The following KLF12 variants were observed in gnomAD, a reference collection of about 807,000 sequenced individuals.
KLF12 encodes the protein Krueppel-like factor 12.
A neutral mutation model predicts 37.8 loss-of-function variants in KLF12; 9 were observed. That is an observed-to-expected ratio of 0.24 (90% CI 0.14 to 0.42). The LOEUF is 0.42. Ranked by LOEUF, KLF12 falls within the 10% of genes least tolerant of loss-of-function variation. The probability of loss-of-function intolerance (pLI) is 1.00; values close to 1 mark genes in which losing one functional copy is unlikely to be tolerated. For synonymous variants in KLF12, 208 were observed against 202.1 expected (o/e 1.03, Z -0.25); for missense variants, 411 against 516.0 (o/e 0.80, Z 1.97).
chr13:73,758,519 A>G (rs982211739), intron 6 of KLF12, among the ~76,000 whole-genome samples: 11 of 152,152 alleles, frequency 7.2e-5, no homozygotes, highest in Non-Finnish European at 1.3e-4. Flanking sequence ...ACCTGGGTAC[A>G]GTGTTGGGAA....
At chr13:73,918,433 T>C (rs1888951107) in intron 3 of KLF12, among the ~76,000 whole-genome samples, 1 of 152,200 alleles carries the variant, frequency 6.6e-6, no homozygotes, top group South Asian at 2.1e-4. Context: ...ATGATGTAGA[T>C]GGACTACATA....
chr13:73,729,733 G>A (rs1295850079), intron 6 of KLF12, among the ~76,000 whole-genome samples: 2 of 152,184 alleles, frequency 1.3e-5, no homozygotes, highest in Non-Finnish European at 2.9e-5. Context: ...TAGTAGATTA[G>A]TAGCAGTCAG....
chr13:74,097,633 A>G (rs12323243), intron 1 of KLF12, among the ~76,000 whole-genome samples: 35,422 of 151,976 alleles, frequency 0.23, 4,856 homozygotes, highest in Middle Eastern at 0.36. Context: ...TATTTTAAAC[A>G]CACGTTTAGG....
At chr13:73,780,462 C>T (rs1880891344) in intron 5 of KLF12, among the ~76,000 whole-genome samples, 1 of 137,390 alleles carries the variant, frequency 7.3e-6, no homozygotes. Context: ...GCTTAGCACC[C>T]AAGGAATGGT....
chr13:74,033,015 G>A (rs898792272), intron 1 of KLF12, among the ~76,000 whole-genome samples: 7 of 152,092 alleles, frequency 4.6e-5, no homozygotes, highest in African/African-American at 1.4e-4. Context: ...ATGCCCCATG[G>A]GTGTTATAAA....
intron 2 of KLF12, among the ~76,000 whole-genome samples, chr13:73,958,950 CA>C (rs142577211): frequency 0.036 from 5,533 of 152,094 alleles, 314 homozygotes; most frequent in African/African-American, 0.13. Context: ...CAGACTTCAG[CA>C]ACTAATTGCT....
At chr13:73,982,153 A>T (rs1891704117) in intron 2 of KLF12, among the ~76,000 whole-genome samples, 2 of 152,256 alleles carry the variant, frequency 1.3e-5, no homozygotes, top group African/African-American at 4.8e-5. Context: ...TTTGAAAAAC[A>T]TTAACTTCAT....
chr13:74,050,895 A>G (rs61957972), intron 1 of KLF12, among the ~76,000 whole-genome samples: 28 of 152,204 alleles, frequency 1.8e-4, no homozygotes, highest in Non-Finnish European at 2.4e-4. Flanking sequence ...CTAAACAGAC[A>G]TTTCTCAAAA....
At position 73,926,155 on chromosome 13, in the gene KLF12, G is replaced by A. The variant is rs371556088; in HGVS notation, c.123+17826C>T. ...CCAATCATGAAAGCAGTTCCACCGT[G>A]GGTAAAACACTATCGAATAGCATTG... is the stretch of plus-strand genomic sequence containing the variant. On this transcript the variant is annotated intron_variant, in intron 3 of 7. Coordinates refer to ENST00000377669, the MANE Select transcript of KLF12 (RefSeq NM_007249.5). Among the ~76,000 whole-genome samples, 7 of 152,212 alleles carry A rather than the reference G, an allele frequency of 4.6e-5. No homozygotes were observed. The South Asian group carries it at 8.3e-4, about 18-fold the overall frequency.
At chr13:74,145,803 T>C in the KLF12 span, among the ~76,000 whole-genome samples, 1 of 152,200 alleles carries the variant, frequency 6.6e-6, no homozygotes, top group Non-Finnish European at 1.5e-5. Context: ...TTTTAGCTCC[T>C]ATCTCTGAGC....
chr13:74,128,193 G>A (rs936681725), intron 1 of KLF12, among the ~76,000 whole-genome samples: 2 of 152,088 alleles, frequency 1.3e-5, no homozygotes, highest in African/African-American at 2.4e-5. Flanking sequence ...AACTTTTTAA[G>A]AGTGACTTTC....
the KLF12 span, among the ~76,000 whole-genome samples, chr13:74,228,973 A>G: frequency 6.6e-6 from 1 of 152,164 alleles, no homozygotes; most frequent in Non-Finnish European, 1.5e-5. Context: ...ATCACCAAAT[A>G]CTAAGAACCC....
At chr13:74,108,323 C>T (rs944578894) in intron 1 of KLF12, among the ~76,000 whole-genome samples, 10 of 152,014 alleles carry the variant, frequency 6.6e-5, no homozygotes, top group South Asian at 2.1e-4. Context: ...TTCATTCTCA[C>T]TCCAATTTCT....
chr13:74,073,855 C>T (rs1430999911), intron 1 of KLF12, among the ~76,000 whole-genome samples: 1 of 152,180 alleles, frequency 6.6e-6, no homozygotes, highest in Non-Finnish European at 1.5e-5. Context: ...CTCTAGTTAT[C>T]ATTATGCATG....
intron 6 of KLF12, among the ~76,000 whole-genome samples, chr13:73,755,178 G>C (rs969499149): frequency 1.3e-5 from 2 of 152,072 alleles, no homozygotes; most frequent in Admixed American, 1.3e-4. Flanking sequence ...CAAACTCTCA[G>C]AAAAGCAGCG....
At chr13:73,984,983 C>T (rs1823793778) in intron 2 of KLF12, among the ~76,000 whole-genome samples, 1 of 151,648 alleles carries the variant, frequency 6.6e-6, no homozygotes, top group Non-Finnish European at 1.5e-5. Flanking sequence ...TGGGGGAAAT[C>T]ACATGGCATC....
At chr13:73,787,805 CA>C (rs112633941) in intron 5 of KLF12, among the ~76,000 whole-genome samples, 11 of 151,606 alleles carry the variant, frequency 7.3e-5, no homozygotes, top group East Asian at 3.9e-4. Flanking sequence ...TATTTTTAAA[CA>C]AAAAAAAGTA....
chr13:74,102,199 C>T (rs1466118033), intron 1 of KLF12, among the ~76,000 whole-genome samples: 2 of 144,456 alleles, frequency 1.4e-5, no homozygotes. Context: ...ACCTGGGTGA[C>T]AGAGCAAGAC....
At chr13:73,730,503 A>C (rs1051536497) in intron 6 of KLF12, among the ~76,000 whole-genome samples, 2 of 152,090 alleles carry the variant, frequency 1.3e-5, no homozygotes, top group African/African-American at 4.8e-5. Context: ...GCCAGCTACT[A>C]AGATGACAAA....
Sources: gnomAD v4.1 joint callset for allele counts (sites outside exome capture counted in the v4.1 genomes callset) on GRCh38, gnomAD v4.1.1 for gene constraint, MANE v1.5 for transcripts, NCBI Gene and HGNC (gene_info 2026-07-23, HGNC 2026-07-21) for gene names.